The following SUSD1 variants were observed in gnomAD, a reference collection of about 807,000 sequenced individuals.
SUSD1 encodes the protein sushi domain-containing protein 1.
Under a neutral mutation model 86.9 loss-of-function variants are expected in SUSD1, and 65 were observed. The observed-to-expected ratio is 0.75, with a 90% CI of 0.61 to 0.92. The LOEUF (loss-of-function observed/expected upper bound fraction) is 0.92, where lower values mean the gene tolerates loss of function less well. Ranked by LOEUF, SUSD1 falls within the 40% of genes least tolerant of loss-of-function variation. SUSD1 has a pLI of 0.00. For missense variants in SUSD1, 850 were observed against 929.7 expected, an observed-to-expected ratio of 0.91 and a Z score of 1.11; for synonymous variants, 346 against 350.0, an observed-to-expected ratio of 0.99 and a Z score of 0.13.
chr9:112,129,729 C>T (rs956563899), intron 5 of SUSD1, among the ~76,000 whole-genome samples: 4 of 152,168 alleles, frequency 2.6e-5, no homozygotes, highest in African/African-American at 9.7e-5. Flanking sequence ...TGGACAGTTC[C>T]TCAAGGACAG....
intron 12 of SUSD1, among the ~76,000 whole-genome samples, chr9:112,070,447 C>A (rs112714696): frequency 6.6e-5 from 10 of 152,200 alleles, no homozygotes; most frequent in African/African-American, 2.2e-4. Context: ...CCTTGTCTCC[C>A]AAACTGATGT....
chr9:112,042,998 T>G (rs892510089), intron 15 of SUSD1, among the ~76,000 whole-genome samples: 1 of 151,806 alleles, frequency 6.6e-6, no homozygotes, highest in African/African-American at 2.4e-5. Flanking sequence ...ACTGACTCCA[T>G]CTTGCTTCTA....
At chr9:112,129,383 G>T (rs539875738) in intron 5 of SUSD1, among the ~76,000 whole-genome samples, 212 of 152,346 alleles carry the variant, frequency 1.4e-3, no homozygotes, top group African/African-American at 5.0e-3. Flanking sequence ...CACAATCACA[G>T]CTCACTGCAG....
intron 5 of SUSD1, among the ~76,000 whole-genome samples, chr9:112,133,710 A>G (rs1589702410): frequency 1.3e-5 from 2 of 152,246 alleles, no homozygotes; most frequent in East Asian, 3.8e-4. Context: ...AACAAAAGTG[A>G]CAAGTGAGAC....
At chr9:112,055,664 CAAAA>C (rs1368649266) in intron 14 of SUSD1, among the ~76,000 whole-genome samples, 2 of 152,104 alleles carry the variant, frequency 1.3e-5, no homozygotes, top group African/African-American at 2.4e-5. Flanking sequence ...GGTATATACA[CAAAA>C]GAACTGAAAG....
intron 6 of SUSD1, among the ~76,000 whole-genome samples, chr9:112,116,606 C>T (rs35103004): frequency 0.14 from 21,350 of 152,220 alleles, 1,865 homozygotes; most frequent in Non-Finnish European, 0.2. Flanking sequence ...ATGTTATCTG[C>T]TGACTATGTA....
chr9:112,088,629 T>C (rs1215392829), intron 10 of SUSD1, among the ~76,000 whole-genome samples: 1 of 151,588 alleles, frequency 6.6e-6, no homozygotes, highest in Non-Finnish European at 1.5e-5. Context: ...TCCACTAAAA[T>C]AGAAAATGAA....
At chr9:112,104,489 G>A (rs1386537380) in intron 8 of SUSD1, among the ~76,000 whole-genome samples, 1 of 152,182 alleles carries the variant, frequency 6.6e-6, no homozygotes, top group Non-Finnish European at 1.5e-5. Flanking sequence ...CTCAGGACCT[G>A]AAGGTACCAT....
intron 5 of SUSD1, among the ~76,000 whole-genome samples, chr9:112,128,475 C>G (rs1398819732): frequency 6.6e-6 from 1 of 152,000 alleles, no homozygotes; most frequent in Non-Finnish European, 1.5e-5. Context: ...TTCACTGCAA[C>G]CTCCGTCTCC....
In SUSD1 at chr9:112,041,110, T is replaced by C. The variant is rs1034800335; in HGVS notation, c.*382A>G. 3.6e-5 allele frequency: 13 copies of C among 362,082 alleles called. No homozygotes were observed. The highest frequency in any genetic ancestry group is 6.0e-5 in the Non-Finnish European group (12 of 198,862). The allele number at this position is 362,082 out of a possible 1,614,324, so 22.4% of individuals were successfully genotyped here. On this transcript the variant is annotated 3_prime_UTR_variant, in exon 17 of 17. Transcript: ENST00000374270. Reference sequence around the variant, plus strand: ...AACAGAAATGCTTTTATATAGGAGGTTGCAGAGATTCTCTTGCAGTCAATG... The same window carrying C: ...AACAGAAATGCTTTTATATAGGAGGCTGCAGAGATTCTCTTGCAGTCAATG...
intron 9 of SUSD1, among the ~76,000 whole-genome samples, chr9:112,099,413 G>C (rs926407957): frequency 6.6e-6 from 1 of 151,770 alleles, no homozygotes; most frequent in African/African-American, 2.4e-5. Context: ...CTTAAACTAG[G>C]TGGGTTCCTT....
intron 10 of SUSD1, among the ~76,000 whole-genome samples, chr9:112,093,317 A>G (rs1830274214): frequency 6.6e-6 from 1 of 152,206 alleles, no homozygotes; most frequent in Non-Finnish European, 1.5e-5. Flanking sequence ...CCACCCAAAC[A>G]AAAGGCAGAC....
intron 6 of SUSD1, among the ~76,000 whole-genome samples, chr9:112,117,278 T>C (rs2131666364): frequency 6.6e-6 from 1 of 152,320 alleles, no homozygotes; most frequent in South Asian, 2.1e-4. Flanking sequence ...CCCTCTCTCC[T>C]CTCACATGGC....
intron 5 of SUSD1, among the ~76,000 whole-genome samples, chr9:112,138,255 A>ATGTATATACACATATATATATATATG (rs1832384662): frequency 5.9e-5 from 6 of 101,028 alleles, no homozygotes; most frequent in African/African-American, 2.1e-4. Flanking sequence ...ATATATATAT[A>ATGTATATACACATATATATATATATG]TGTGTATATA....
intron 12 of SUSD1, among the ~76,000 whole-genome samples, chr9:112,072,901 TG>T: frequency 6.6e-6 from 1 of 152,302 alleles, no homozygotes; most frequent in East Asian, 1.9e-4. Flanking sequence ...TCAGCCCCCT[TG>T]GAGCCAGGGG....
At chr9:112,052,866 T>A (rs1051062009) in intron 14 of SUSD1, among the ~76,000 whole-genome samples, 3 of 152,194 alleles carry the variant, frequency 2.0e-5, no homozygotes, top group African/African-American at 7.2e-5. Flanking sequence ...TCCCAGTATA[T>A]AATACTTCAT....
chr9:112,113,277 A>T lies in SUSD1; in HGVS notation c.887-409T>A, dbSNP rs1831179485. ...TCTCTTCCCAGCAGAATGATGGGAAACTCCTTCAAGTCACTGCTATCCCCA... is the reference window on the plus strand; with the variant it reads ...TCTCTTCCCAGCAGAATGATGGGAATCTCCTTCAAGTCACTGCTATCCCCA... On this transcript the variant is annotated intron_variant, in intron 6 of 16. Transcript: ENST00000374270. This position sits in a 1 kb window ranked among gnomAD's most constrained non-coding sequence, Gnocchi z 4.1. 6.6e-6 allele frequency among the ~76,000 whole-genome samples: 1 copy of T among 152,014 alleles called. No homozygotes were observed. Among genetic ancestry groups the T allele is most frequent in the South Asian group, 2.1e-4 (1 of 4,816 alleles).
At chr9:112,070,272 G>A (rs978189435) in intron 12 of SUSD1, among the ~76,000 whole-genome samples, 10 of 152,156 alleles carry the variant, frequency 6.6e-5, no homozygotes, top group Non-Finnish European at 1.2e-4. Context: ...CTCCCAAAGT[G>A]CTGGCATTAC....
chr9:112,152,313 A>T (rs71503510), intron 2 of SUSD1, among the ~76,000 whole-genome samples: 15,321 of 152,052 alleles, frequency 0.1, 1,001 homozygotes, highest in East Asian at 0.21. Flanking sequence ...TTTTGTAATA[A>T]TGCTTAACTT....
Sources: allele counts gnomAD v4.1 joint callset (sites outside exome capture counted in the v4.1 genomes callset), GRCh38; gene constraint gnomAD v4.1.1; non-coding constraint Gnocchi (gnomAD v3.1); transcripts MANE v1.5; gene names NCBI Gene and HGNC (gene_info 2026-07-23, HGNC 2026-07-21).